The following RSBN1 variants were observed in gnomAD, a reference collection of about 807,000 sequenced individuals.
RSBN1 encodes the protein lysine-specific demethylase 9.
RSBN1 carries 23 observed loss-of-function variants against 74.8 expected under a neutral mutation model. That is an observed-to-expected ratio of 0.31 (90% CI 0.22 to 0.44). The LOEUF (loss-of-function observed/expected upper bound fraction) is 0.44, where lower values mean the gene tolerates loss of function less well. Among genes scored for constraint, RSBN1 ranks in the 20% least tolerant of loss-of-function variants. RSBN1 has a pLI of 1.00. For synonymous variants in RSBN1, 407 were observed against 379.6 expected (o/e 1.07, Z -0.84); for missense variants, 808 against 1,020.9 (o/e 0.79, Z 2.84).
chr1:113,786,286 G>A (rs1032589887), intron 2 of RSBN1, among the ~76,000 whole-genome samples: 1 of 152,162 alleles, frequency 6.6e-6, no homozygotes, highest in Non-Finnish European at 1.5e-5. Context: ...TTTTGGACAT[G>A]ATGAGCCAGA....
chr1:113,787,840 T>C (rs1326237120), intron 2 of RSBN1, among the ~76,000 whole-genome samples: 1 of 152,156 alleles, frequency 6.6e-6, no homozygotes, highest in Non-Finnish European at 1.5e-5. Context: ...ACATTCCCTA[T>C]CCAGTCTTCA....
intron 6 of RSBN1, among the ~76,000 whole-genome samples, 167 bp from the exon 7 acceptor site, chr1:113,766,620 C>T (rs188822916): frequency 1.8e-4 from 27 of 152,224 alleles, no homozygotes; most frequent in Non-Finnish European, 2.9e-5. Context: ...CTTGTAATGC[C>T]TGGGAAATTA....
Position 113,811,973 on chromosome 1 carries a change from G to A in RSBN1, c.440C>T (p.Pro147Leu), listed in dbSNP as rs1326953935. 1.9e-6 allele frequency: 3 copies of A among 1,570,728 alleles called. No homozygotes were observed. Among genetic ancestry groups the A allele is most frequent in the Middle Eastern group, 1.7e-4 (1 of 5,920 alleles). Residue 147 changes from proline (P) to leucine (L), a missense_variant, in exon 1 of 7, where the codon CCG (proline) becomes CTG (leucine). By Grantham distance (98) the Pro-to-Leu change is moderately conservative (BLOSUM62 -3). Around this residue, in one of 6 missense-constraint regions of RSBN1, gnomAD observed 464 missense variants for 401.0 expected, o/e 1.16. Coordinates refer to ENST00000261441, the MANE Select transcript of RSBN1 (RefSeq NM_018364.5). Reference protein sequence around the residue: ...PVEPLLLPPPPPPSLAPAGPA... With the variant: ...PVEPLLLPPPLPPSLAPAGPA... ...CCCGGCGGGTGCCAGCGAAGGTGGC[G>A]GCGGAGGCGGCAGGAGAAGAGGCTC...
rs1236209649 is a variant in RSBN1, at chr1:113,764,530, ATATTT to A, written c.*1445_*1449del. 2.0e-5 allele frequency: 3 copies of A among 152,496 alleles called. No individual in the cohort carries two copies. The highest frequency in any genetic ancestry group is 7.2e-5 in the African/African-American group (3 of 41,424). The allele number at this position is 152,496 out of a possible 1,614,324, so 9.4% of individuals were successfully genotyped here. A position where few individuals can be genotyped will look rare whatever the true frequency, so the allele number is the denominator to read the frequency against. ...TATATAAGATTTAACCTATTTCAGA[ATATTT>A]TAGAGAAAATTCATATTTGATATTT... On this transcript the variant is annotated 3_prime_UTR_variant, in exon 7 of 7. Transcript: ENST00000261441.
intron 2 of RSBN1, among the ~76,000 whole-genome samples, chr1:113,795,336 T>A (rs1660449576): frequency 6.6e-6 from 1 of 152,220 alleles, no homozygotes; most frequent in South Asian, 2.1e-4. Context: ...TAAAATTGCT[T>A]ACCTACCTAC....
intron 1 of RSBN1, among the ~76,000 whole-genome samples, chr1:113,806,267 G>A (rs1660697705): frequency 6.6e-6 from 1 of 151,850 alleles, no homozygotes; most frequent in East Asian, 1.9e-4. Flanking sequence ...CCCAGGAGGT[G>A]GAGGTTGCAC....
At chr1:113,773,338 A>C (rs1345564345) in intron 4 of RSBN1, among the ~76,000 whole-genome samples, 1 of 152,114 alleles carries the variant, frequency 6.6e-6, no homozygotes, top group African/African-American at 2.4e-5. Flanking sequence ...GAGCCTGGCC[A>C]ATATGGCGAA....
chr1:113,800,504 A>G (rs1334219963), intron 1 of RSBN1, among the ~76,000 whole-genome samples: 2 of 152,212 alleles, frequency 1.3e-5, no homozygotes, highest in African/African-American at 4.8e-5. Context: ...TATAAAGGTT[A>G]GACCAATTTA....
intron 1 of RSBN1, 118 bp downstream of exon 1, chr1:113,811,592 T>C (rs1660848586): frequency 4.9e-6 from 7 of 1,423,450 alleles, no homozygotes; most frequent in Admixed American, 2.9e-5. Flanking sequence ...CCAGTGAGCT[T>C]AGAGAAGTAC....
intron 4 of RSBN1, among the ~76,000 whole-genome samples, chr1:113,773,629 A>G (rs1659922892): frequency 6.6e-6 from 1 of 152,210 alleles, no homozygotes; most frequent in African/African-American, 2.4e-5. Context: ...GTATTATATG[A>G]GTGGGTATAT....
chr1:113,766,951 T>G, intron 6 of RSBN1, 148 bp downstream of exon 6: 1 of 553,692 alleles, frequency 1.8e-6, no homozygotes, highest in Non-Finnish European at 3.2e-6. Context: ...TTTAAATGAT[T>G]TTCAGCACCA....
At chr1:113,796,632 G>A (rs1404250582) in intron 2 of RSBN1, among the ~76,000 whole-genome samples, 1 of 152,096 alleles carries the variant, frequency 6.6e-6, no homozygotes, top group Non-Finnish European at 1.5e-5. Flanking sequence ...ATATACTGCA[G>A]AAACTTATAG....
chr1:113,801,156 T>A (rs1032342737), intron 1 of RSBN1, among the ~76,000 whole-genome samples: 14 of 152,150 alleles, frequency 9.2e-5, no homozygotes, highest in African/African-American at 3.1e-4. Flanking sequence ...TAATTTTTTG[T>A]ATTTTTAGTA....
intron 2 of RSBN1, among the ~76,000 whole-genome samples, chr1:113,792,068 A>G (rs1539437): frequency 1.3e-5 from 2 of 151,986 alleles, no homozygotes; most frequent in Admixed American, 1.3e-4. Context: ...TTATAGAGTA[A>G]TAAAAGTAAT....
chr1:113,808,254 C>T (rs1395883347), intron 1 of RSBN1, among the ~76,000 whole-genome samples: 1 of 152,146 alleles, frequency 6.6e-6, no homozygotes, highest in African/African-American at 2.4e-5. Context: ...ATAACCTATG[C>T]ACATCCTCCC....
rs778121043 is a variant in RSBN1, at chr1:113,768,240, G to C, written c.1808C>G (p.Ala603Gly). The change falls in exon 5 of 7, where the codon GCT becomes GGT. Residue 603 changes from alanine to glycine, a missense_variant. Coordinates refer to ENST00000261441, the MANE Select transcript of RSBN1 (RefSeq NM_018364.5). ...AACTCACCATTCACCAAATTGTACA[G>C]CTTTCAAAACTCCAACAGCAGCCGT... is the stretch of plus-strand genomic sequence containing the variant. The part of the protein sequence containing the change: ...QSTAAVGVLK[A>G]VQFGEWSDQP... The C allele has an allele frequency of 1.2e-6, 2 of 1,610,638 alleles. No individual in the cohort carries two copies. The highest frequency in any genetic ancestry group is 2.2e-5 in the South Asian group (2 of 90,636).
chr1:113,766,159 C>A lies in RSBN1; in HGVS notation c.2230G>T (p.Glu744Ter). Residue 744 changes from glutamate (E) to a stop codon, truncating the protein, a stop_gained, in exon 7 of 7, where the codon GAA becomes TAA. Transcript: ENST00000261441. LOFTEE classifies it high-confidence loss of function. ...SQCVRIKTES[E>*]EACTEIQLLT... The stretch of plus-strand genomic sequence containing the variant: ...AGCTGAATCTCTGTGCATGCTTCTT[C>A]AGATTCAGTTTTTATCCTCACACAT... 1 of 1,614,052 alleles carries A rather than the reference C, an allele frequency of 6.2e-7. No individual in the cohort carries two copies. Among genetic ancestry groups the A allele is most frequent in the Non-Finnish European group, 8.5e-7 (1 of 1,179,980 alleles).
In RSBN1 at chr1:113,777,820, CAA is replaced by C; in HGVS notation, c.1378-14_1378-13del. 6.5e-7 allele frequency: 1 copy of C among 1,527,636 alleles called. No individual in the cohort carries two copies. Among genetic ancestry groups the C allele is most frequent in the Non-Finnish European group, 8.8e-7 (1 of 1,133,102 alleles). 94.6% of individuals were successfully genotyped at this position (1,527,636 alleles called of 1,614,324 possible). ...TATGTCCTGTTGACCTAAGATAAAA[CAA>C]AAGAGGGAAAAATGGACTGAGGTAC... On this transcript the variant is annotated splice_polypyrimidine_tract_variant and intron_variant, in intron 2 of 6. Coordinates refer to ENST00000261441, the MANE Select transcript of RSBN1 (RefSeq NM_018364.5).
rs1308540825 is a variant in RSBN1, at chr1:113,763,036, A to G, written c.*2944T>C. ...CTAGGAACCAATTTTTAGAGTTAAAACTTTGGAGGAGAGAACATACTATAT... is the reference window on the plus strand; with the variant it reads ...CTAGGAACCAATTTTTAGAGTTAAAGCTTTGGAGGAGAGAACATACTATAT... On this transcript the variant is annotated 3_prime_UTR_variant, in exon 7 of 7. Coordinates refer to ENST00000261441, the MANE Select transcript of RSBN1 (RefSeq NM_018364.5). The G allele has an allele frequency of 6.5e-6, 1 of 152,766 alleles. No homozygotes were observed. The highest frequency in any genetic ancestry group is 1.5e-5 in the Non-Finnish European group (1 of 68,030). The allele number at this position is 152,766 out of a possible 1,614,324, so 9.5% of individuals were successfully genotyped here. A position where few individuals can be genotyped will look rare whatever the true frequency, so the allele number is the denominator to read the frequency against.
Sources: allele counts gnomAD v4.1 joint callset (sites outside exome capture counted in the v4.1 genomes callset), GRCh38; gene constraint gnomAD v4.1.1; regional missense constraint gnomAD v4.1.1; transcripts MANE v1.5; gene names NCBI Gene and HGNC (gene_info 2026-07-23, HGNC 2026-07-21).